The following TBC1D25 variants were observed in gnomAD, a reference collection of about 807,000 sequenced individuals.
TBC1D25 encodes the protein 5SN3 snoRNA.
A neutral mutation model predicts 38.8 loss-of-function variants in TBC1D25; 13 were observed. The observed-to-expected ratio is 0.34, with a 90% CI of 0.22 to 0.53. TBC1D25 has a LOEUF of 0.53. TBC1D25 is among the 20% of genes least tolerant of loss of function. TBC1D25 has a pLI of 0.94. For missense variants in TBC1D25, 372 were observed against 600.0 expected (o/e 0.62, Z 3.97); for synonymous variants, 225 against 255.6 (o/e 0.88, Z 1.14).
chrX:48,544,878 C>T lies in TBC1D25; in HGVS notation c.243C>T (p.Asn81=). 21 of 1,211,921 alleles carry T rather than the reference C, an allele frequency of 1.7e-5. No individual in the cohort carries two copies. The highest frequency in any genetic ancestry group is 2.2e-5 in the Non-Finnish European group (20 of 895,470). Residue 81 remains asparagine, a synonymous_variant, in exon 3 of 6, where the codon AAC becomes AAT. Coordinates refer to ENST00000376771, the MANE Select transcript of TBC1D25 (RefSeq NM_002536.4). ...CGTATCCCCTGTCCAGGAAGAAGAACTTTGGCATCAGCTACCTGGGCCGGG... is the reference window on the plus strand; with the variant it reads ...CGTATCCCCTGTCCAGGAAGAAGAATTTTGGCATCAGCTACCTGGGCCGGG... ...IRAFDLSGKK[N]FGISYLGRDR... is the part of the protein sequence containing the mutation.
intron 2 of TBC1D25, among the ~76,000 whole-genome samples, chrX:48,543,614 G>A (rs2061858602): frequency 9.4e-6 from 1 of 106,732 alleles, no homozygotes; most frequent in Non-Finnish European, 1.9e-5. Flanking sequence ...GCCGGGCGCT[G>A]TGGCTCATGC....
At chrX:48,549,234 C>T (rs2061910424) in intron 3 of TBC1D25, among the ~76,000 whole-genome samples, 1 of 112,041 alleles carries the variant, frequency 8.9e-6, no homozygotes, top group Non-Finnish European at 1.9e-5. Context: ...CATGGTTTTG[C>T]CATGTTGGCC....
chrX:48,547,339 A>C (rs782413357), intron 3 of TBC1D25, among the ~76,000 whole-genome samples: 2 of 112,042 alleles, frequency 1.8e-5, no homozygotes, highest in Non-Finnish European at 3.8e-5. Flanking sequence ...CAAGAGTCAG[A>C]GGGAAAGATA....
intron 3 of TBC1D25, 50 bp downstream of exon 3, chrX:48,545,073 A>G: frequency 8.4e-7 from 1 of 1,185,580 alleles, no homozygotes; most frequent in Non-Finnish European, 1.1e-6. Context: ...CCTTTACCCC[A>G]TAGGGTGATG....
At chrX:48,546,742 G>C (rs1471303657) in intron 3 of TBC1D25, among the ~76,000 whole-genome samples, 1 of 111,554 alleles carries the variant, frequency 9.0e-6, no homozygotes, top group Non-Finnish European at 1.9e-5. Flanking sequence ...ACACAGTTAA[G>C]TATGAAGGGG....
rs959875511 is a variant in TBC1D25, at chrX:48,560,620, C to G, written c.1712C>G (p.Ala571Gly). ...TCATCTCCACCATCCACCCAGGAGG[C>G]CTCTCCCACTGGTGATATGGCTGTA... Reference protein sequence around the residue: ...SSSSPPSTQEASPTGDMAVGS... With the variant: ...SSSSPPSTQEGSPTGDMAVGS... Residue 571 changes from alanine to glycine, a missense_variant, in exon 6 of 6, where the codon GCC (alanine) becomes GGC (glycine). Around this residue, in one of 2 missense-constraint regions of TBC1D25, gnomAD observed 312 missense variants for 549.3 expected, o/e 0.57. Transcript: ENST00000376771. 8.3e-7 allele frequency: 1 copy of G among 1,208,859 alleles called. No homozygotes were observed. Among genetic ancestry groups the G allele is most frequent in the African/African-American group, 1.7e-5 (1 of 57,150 alleles).
rs1218010365 is a variant in TBC1D25 at position 48,558,881 on chromosome X, T to C, written c.389-16T>C. The C allele has an allele frequency of 3.3e-6, 4 of 1,211,407 alleles. No individual in the cohort carries two copies. In the East Asian group the frequency reaches 8.9e-5, roughly 27 times the overall value. ...TATCATCCCCATTCTTATAGCACTT[T>C]GTTCTGTTTGCCCAGGCCCATTGCT... On this transcript the variant is annotated splice_polypyrimidine_tract_variant and intron_variant, in intron 3 of 5. Transcript: ENST00000376771.
At chrX:48,550,230 A>G (rs2061919017) in intron 3 of TBC1D25, among the ~76,000 whole-genome samples, 1 of 110,649 alleles carries the variant, frequency 9.0e-6, no homozygotes, top group African/African-American at 3.3e-5. Flanking sequence ...CAGGTGATCC[A>G]CCCACTTCAG....
chrX:48,560,796 C>T lies in TBC1D25; in HGVS notation c.1888C>T (p.Arg630Cys), dbSNP rs2062018620. ...CTGCCTGGCCATCCTGCTGGAGCACCGCGACCACATCATGCGCAATGGGCT... is the reference window on the plus strand; with the variant it reads ...CTGCCTGGCCATCCTGCTGGAGCACTGCGACCACATCATGCGCAATGGGCT... ...FLCLAILLEH[R>C]DHIMRNGLDY... The change falls in exon 6 of 6, where the codon CGC (arginine) becomes TGC (cysteine). Residue 630 changes from arginine (R) to cysteine (C), a missense_variant. Coordinates refer to ENST00000376771, the MANE Select transcript of TBC1D25 (RefSeq NM_002536.4). 2 of 1,211,955 alleles carry T rather than the reference C, an allele frequency of 1.7e-6. No individual in the cohort carries two copies. Among genetic ancestry groups the T allele is most frequent in the Non-Finnish European group, 2.2e-6 (2 of 895,368 alleles).
chrX:48,543,831 C>T (rs2061860790), intron 2 of TBC1D25, among the ~76,000 whole-genome samples: 1 of 106,291 alleles, frequency 9.4e-6, no homozygotes, highest in African/African-American at 3.4e-5. Context: ...TTGCAGCGAG[C>T]CGAGATCGCA....
Position 48,560,766 on chromosome X carries a change from T to A in TBC1D25, c.1858T>A (p.Phe620Ile). The change falls in exon 6 of 6, where the codon TTC becomes ATC. Residue 620 changes from phenylalanine (F) to isoleucine (I), a missense_variant. Around this residue, in one of 2 missense-constraint regions of TBC1D25, gnomAD observed 312 missense variants for 549.3 expected, o/e 0.57. Coordinates refer to ENST00000376771, the MANE Select transcript of TBC1D25 (RefSeq NM_002536.4). The stretch of plus-strand genomic sequence containing the variant: ...TGGCCGGGGGAACCCATTCATGCTG[T>A]TCCTCTGCCTGGCCATCCTGCTGGA... Reference protein sequence around the residue: ...EFGRGNPFMLFLCLAILLEHR... With the variant: ...EFGRGNPFMLILCLAILLEHR... 8.3e-7 allele frequency: 1 copy of A among 1,211,476 alleles called. No individual in the cohort carries two copies. Among genetic ancestry groups the A allele is most frequent in the Non-Finnish European group, 1.1e-6 (1 of 895,074 alleles).
Position 48,560,536 on chromosome X carries a change from T to C in TBC1D25, c.1628T>C (p.Leu543Ser), listed in dbSNP as rs782588951. 23 of 1,208,407 alleles carry C rather than the reference T, an allele frequency of 1.9e-5. No homozygotes were observed. The highest frequency in any genetic ancestry group is 2.5e-5 in the Non-Finnish European group (22 of 894,404). The change falls in exon 6 of 6, where the codon TTA becomes TCA. Residue 543 changes from leucine to serine, a missense_variant. Leu to Ser is a moderately radical substitution (Grantham distance 145). Transcript: ENST00000376771. The stretch of plus-strand genomic sequence containing the variant: ...AGCTCCAAGTCCCTCTCTGAGCCTT[T>C]ATTGAACTCCCCAGACCCACTGCTC... ...LISSKSLSEP[L>S]LNSPDPLLSS... is the part of the protein sequence containing the mutation.
At chrX:48,548,753 A>T (rs187520557) in intron 3 of TBC1D25, among the ~76,000 whole-genome samples, 2 of 112,357 alleles carry the variant, frequency 1.8e-5, no homozygotes, top group Admixed American at 1.9e-4. Flanking sequence ...CACTCCCTAC[A>T]CACACATTTA....
intron 3 of TBC1D25, among the ~76,000 whole-genome samples, chrX:48,557,971 C>T (rs1225547490): frequency 9.1e-6 from 1 of 109,571 alleles, no homozygotes; most frequent in Non-Finnish European, 1.9e-5. Flanking sequence ...ATTAGCTGGG[C>T]ATGGTGGCAG....
chrX:48,552,082 T>A (rs1476275371), intron 3 of TBC1D25, among the ~76,000 whole-genome samples: 1 of 112,305 alleles, frequency 8.9e-6, no homozygotes, highest in African/African-American at 3.2e-5. Flanking sequence ...TAGGATTCTT[T>A]AATTTTTAAC....
intron 2 of TBC1D25, among the ~76,000 whole-genome samples, chrX:48,544,484 A>AT (rs1387832503): frequency 9.1e-5 from 10 of 109,534 alleles, no homozygotes; most frequent in East Asian, 5.7e-4. Context: ...CACCCAGCTA[A>AT]TTTTTTTTGT....
chrX:48,552,674 C>G (rs1187496806), intron 3 of TBC1D25, among the ~76,000 whole-genome samples: 9 of 110,764 alleles, frequency 8.1e-5, no homozygotes, highest in African/African-American at 2.9e-4. Context: ...CTTTAGGCCA[C>G]TTTTTCTCCT....
At chrX:48,551,616 C>T (rs978622777) in intron 3 of TBC1D25, among the ~76,000 whole-genome samples, 10 of 79,740 alleles carry the variant, frequency 1.3e-4, no homozygotes, top group Admixed American at 1.2e-3. Context: ...TGAGCCACTG[C>T]GCCCGGCCTT....
chrX:48,561,115 A>G lies in TBC1D25; in HGVS notation c.*140A>G, dbSNP rs934327158. ...ATAGAGCCCTTCCTCCCCAGGCCTA[A>G]GTATGTGGAGCTCTGCTTTGGCACT... On this transcript the variant is annotated 3_prime_UTR_variant, in exon 6 of 6. Transcript: ENST00000376771. 1 of 694,101 alleles carries G rather than the reference A, an allele frequency of 1.4e-6. No homozygotes were observed. Among genetic ancestry groups the G allele is most frequent in the Admixed American group, 4.0e-5 (1 of 25,193 alleles). The allele number at this position is 694,101 out of a possible 1,213,427, so 57.2% of individuals were successfully genotyped here.
Sources: allele counts gnomAD v4.1 joint callset (sites outside exome capture counted in the v4.1 genomes callset), GRCh38; gene constraint gnomAD v4.1.1; regional missense constraint gnomAD v4.1.1; transcripts MANE v1.5; gene names NCBI Gene and HGNC (gene_info 2026-07-23, HGNC 2026-07-21).